Variants in STK24 observed in about 807,000 individuals in gnomAD.
STK24 encodes the protein serine/threonine-protein kinase 24.
A neutral mutation model predicts 55.6 loss-of-function variants in STK24; 21 were observed. That is an observed-to-expected ratio of 0.38 (90% CI 0.27 to 0.54). STK24 has a LOEUF of 0.54. Among genes scored for constraint, STK24 ranks in the 20% least tolerant of loss-of-function variants. STK24 has a pLI of 0.79. For missense variants in STK24, 383 were observed against 538.4 expected (o/e 0.71, Z 2.86); for synonymous variants, 200 against 215.2 (o/e 0.93, Z 0.62).
intron 1 of STK24, among the ~76,000 whole-genome samples, chr13:98,560,606 C>T (rs1329163455): frequency 2.6e-5 from 4 of 152,100 alleles, no homozygotes; most frequent in South Asian, 2.1e-4. Context: ...TGGCCAGGCG[C>T]GGTGGCTCAC....
intron 10 of STK24, chr13:98,456,438 C>T (rs1165572346): frequency 2.1e-6 from 1 of 486,304 alleles, no homozygotes; most frequent in African/African-American, 2.0e-5. Flanking sequence ...GTGTGGAGGA[C>T]AGCCCAGTGA....
intron 5 of STK24, among the ~76,000 whole-genome samples, chr13:98,469,543 CCA>C (rs1491515569): frequency 1.6e-3 from 212 of 136,350 alleles, no homozygotes; most frequent in East Asian, 0.011. Context: ...ATCCCCCCCC[CCA>C]AAAAAAAAAG....
chr13:98,549,455 G>A (rs1454207667), intron 1 of STK24, among the ~76,000 whole-genome samples: 1 of 152,236 alleles, frequency 6.6e-6, no homozygotes, highest in South Asian at 2.1e-4. Flanking sequence ...GCAATCCCCA[G>A]TGTTGGAGGT....
intron 1 of STK24, among the ~76,000 whole-genome samples, chr13:98,532,133 TAGG>T (rs1896596655): frequency 1.3e-5 from 2 of 152,156 alleles, no homozygotes; most frequent in Non-Finnish European, 2.9e-5. Context: ...CGGTCTAGTC[TAGG>T]AGATTGCCCC....
chr13:98,522,508 C>T (rs1402602805), intron 1 of STK24, among the ~76,000 whole-genome samples: 3 of 152,252 alleles, frequency 2.0e-5, no homozygotes, highest in Non-Finnish European at 2.9e-5. Context: ...ACGTACATGA[C>T]AGCTTTCAAA....
Position 98,447,954 on chromosome 13 carries a change from A to T in STK24, c.*5219T>A. Reference sequence around the variant, plus strand: ...GAAAATAGGAGGTAGCGTTCTCCCCAGCAACCAGAGGCCACCTCGCTCCTA... The same window carrying T: ...GAAAATAGGAGGTAGCGTTCTCCCCTGCAACCAGAGGCCACCTCGCTCCTA... On this transcript the variant is annotated 3_prime_UTR_variant, in exon 11 of 11. Coordinates refer to ENST00000539966, the MANE Select transcript of STK24 (RefSeq NM_001032296.4). The T allele has an allele frequency of 2.1e-6, 1 of 476,302 alleles. No individual in the cohort carries two copies. Among genetic ancestry groups the T allele is most frequent in the South Asian group, 2.8e-5 (1 of 35,246 alleles). The allele number at this position is 476,302 out of a possible 1,614,324, so 29.5% of individuals were successfully genotyped here.
chr13:98,539,117 A>G (rs1399134642), intron 1 of STK24, among the ~76,000 whole-genome samples: 1 of 151,980 alleles, frequency 6.6e-6, no homozygotes, highest in Admixed American at 6.6e-5. Flanking sequence ...CACTTTGTAC[A>G]CAATTTTCCA....
intron 3 of STK24, among the ~76,000 whole-genome samples, chr13:98,477,335 C>T (rs889091116): frequency 6.6e-6 from 1 of 152,132 alleles, no homozygotes; most frequent in African/African-American, 2.4e-5. Flanking sequence ...TGCTTTTGTT[C>T]ATAATGCTGG....
intron 2 of STK24, among the ~76,000 whole-genome samples, chr13:98,490,397 G>A (rs1894975373): frequency 6.6e-6 from 1 of 152,112 alleles, no homozygotes; most frequent in African/African-American, 2.4e-5. Flanking sequence ...GGTAAATAAA[G>A]TCCAGCCCTA....
At chr13:98,457,602 TG>T (rs1264351918) in intron 9 of STK24, among the ~76,000 whole-genome samples, 1 of 151,910 alleles carries the variant, frequency 6.6e-6, no homozygotes, top group Non-Finnish European at 1.5e-5. Flanking sequence ...CCCGAGTAGC[TG>T]GGATTACAGG....
chr13:98,446,060 T>A lies in STK24; in HGVS notation c.*7113A>T, dbSNP rs773111586. Reference sequence around the variant, plus strand: ...GCTCTCTGTGCCCTCCTGGGGCAGGTGCCCGCTGTGCTTCTCACAGGCCTC... The same window carrying A: ...GCTCTCTGTGCCCTCCTGGGGCAGGAGCCCGCTGTGCTTCTCACAGGCCTC... On this transcript the variant is annotated 3_prime_UTR_variant, in exon 11 of 11. Coordinates refer to ENST00000539966, the MANE Select transcript of STK24 (RefSeq NM_001032296.4). The A allele has an allele frequency of 7.1e-7, 1 of 1,405,764 alleles. No homozygotes were observed. Among genetic ancestry groups the A allele is most frequent in the South Asian group, 1.2e-5 (1 of 86,082 alleles). 87.1% of individuals were successfully genotyped at this position (1,405,764 alleles called of 1,614,324 possible). A position where few individuals can be genotyped will look rare whatever the true frequency, so the allele number is the denominator to read the frequency against.
At chr13:98,550,424 G>A (rs1897131210) in intron 1 of STK24, among the ~76,000 whole-genome samples, 1 of 152,132 alleles carries the variant, frequency 6.6e-6, no homozygotes, top group African/African-American at 2.4e-5. Context: ...CTGCTACTTC[G>A]AAGGTGAGGC....
In STK24 at chr13:98,448,578, G is replaced by A; in HGVS notation, c.*4595C>T. 1 of 440,672 alleles carries A rather than the reference G, an allele frequency of 2.3e-6. No individual in the cohort carries two copies. The highest frequency in any genetic ancestry group is 4.0e-6 in the Non-Finnish European group (1 of 247,888). The allele number at this position is 440,672 out of a possible 1,614,324, so 27.3% of individuals were successfully genotyped here. ...CAGTATTAAAACATTGTCATTACGA[G>A]AGTGCCAAATGACATCTTCCCTCCA... On this transcript the variant is annotated 3_prime_UTR_variant, in exon 11 of 11. Transcript: ENST00000539966.
intron 1 of STK24, among the ~76,000 whole-genome samples, chr13:98,545,465 T>C (rs1197728034): frequency 6.6e-6 from 1 of 152,060 alleles, no homozygotes; most frequent in East Asian, 1.9e-4. Flanking sequence ...AAACCCCGTC[T>C]CCACTAAAAA....
chr13:98,501,573 G>A (rs1031621518), intron 2 of STK24, among the ~76,000 whole-genome samples: 4 of 152,088 alleles, frequency 2.6e-5, no homozygotes, highest in African/African-American at 7.3e-5. Context: ...TGATAGAATC[G>A]ATTGGCAGAA....
intron 1 of STK24, among the ~76,000 whole-genome samples, chr13:98,529,480 G>GA (rs1357850016): frequency 6.6e-6 from 1 of 152,140 alleles, no homozygotes; most frequent in African/African-American, 2.4e-5. Flanking sequence ...CCTTCACACT[G>GA]AGGTCACACT....
chr13:98,495,386 T>C (rs1349995599), intron 2 of STK24, among the ~76,000 whole-genome samples: 2 of 152,258 alleles, frequency 1.3e-5, no homozygotes, highest in African/African-American at 2.4e-5. Flanking sequence ...AATTATTTTA[T>C]TGAAATATAT....
chr13:98,542,978 C>T (rs1353553543), intron 1 of STK24: 2 of 985,324 alleles, frequency 2.0e-6, no homozygotes, highest in Non-Finnish European at 2.4e-6. Flanking sequence ...TCCACCACTT[C>T]CTGTAGCAGA....
chr13:98,457,127 G>A, intron 10 of STK24, 41 bp downstream of exon 10: 1 of 1,595,938 alleles, frequency 6.3e-7, no homozygotes, highest in East Asian at 2.3e-5. Flanking sequence ...CCCAAGTGCA[G>A]GTCTCTCCTT....
Sources: allele counts gnomAD v4.1 joint callset (sites outside exome capture counted in the v4.1 genomes callset), GRCh38; gene constraint gnomAD v4.1.1; transcripts MANE v1.5; gene names NCBI Gene and HGNC (gene_info 2026-07-23, HGNC 2026-07-21).